ORC3: variants seen among roughly 807,000 people sequenced by gnomAD.
ORC3 encodes the protein origin recognition complex subunit 3.
In ORC3, 78 loss-of-function variants were observed where a neutral mutation model predicts 100.7. The ratio of observed to expected loss-of-function variants is 0.77; its 90% CI spans 0.65 to 0.94. The LOEUF is 0.94. Among genes scored for constraint, ORC3 ranks in the 40% least tolerant of loss-of-function variants. The pLI is 0.00. For missense variants in ORC3, 789 were observed against 823.9 expected (o/e 0.96, Z 0.52); for synonymous variants, 295 against 289.3 (o/e 1.02, Z -0.20).
chr6:87,673,906 T>C, the ORC3 span, among the ~76,000 whole-genome samples: 1 of 152,048 alleles, frequency 6.6e-6, no homozygotes, highest in Non-Finnish European at 1.5e-5. Context: ...GCTATACCAA[T>C]GTTTCTCAAC....
chr6:87,629,648 T>G (rs896392309), intron 11 of ORC3, among the ~76,000 whole-genome samples: 14 of 152,178 alleles, frequency 9.2e-5, no homozygotes, highest in Non-Finnish European at 2.9e-5. Context: ...AGTGTGCCCA[T>G]CACCTGAATA....
chr6:87,621,495 G>A lies in ORC3; in HGVS notation c.1121+8G>A, dbSNP rs1779526486. 3 of 1,570,618 alleles carry A rather than the reference G, an allele frequency of 1.9e-6. No individual in the cohort carries two copies. The highest frequency in any genetic ancestry group is 2.6e-6 in the Non-Finnish European group (3 of 1,161,270). On this transcript the variant is annotated splice_region_variant and intron_variant, in intron 10 of 19. Coordinates refer to ENST00000392844, the MANE Select transcript of ORC3 (RefSeq NM_012381.4). Reference sequence around the variant, plus strand: ...TCTACCATCTTTTAGGAGGTAAAAAGAGAAGTACATGTTTAACACATACTA... The same window carrying A: ...TCTACCATCTTTTAGGAGGTAAAAAAAGAAGTACATGTTTAACACATACTA...
chr6:87,605,329 A>G (rs982704388), intron 4 of ORC3, among the ~76,000 whole-genome samples: 2 of 152,204 alleles, frequency 1.3e-5, no homozygotes, highest in Admixed American at 6.5e-5. Flanking sequence ...TAGGAATTTG[A>G]CAAAGCAATG....
chr6:87,653,159 T>C lies in ORC3; in HGVS notation c.1426T>C (p.Phe476Leu), dbSNP rs777400116. Residue 476 changes from phenylalanine (F) to leucine (L), a missense_variant, in exon 14 of 20, where the codon TTC becomes CTC. Coordinates refer to ENST00000392844, the MANE Select transcript of ORC3 (RefSeq NM_012381.4). Reference protein sequence around the residue: ...DELMTILEKCFKVFKSYCENH... With the variant: ...DELMTILEKCLKVFKSYCENH... ...ACTGATGACCATACTTGAGAAATGTTTCAAGGTTTTTAAGTCTTATTGTGA... is the reference window on the plus strand; with the variant it reads ...ACTGATGACCATACTTGAGAAATGTCTCAAGGTTTTTAAGTCTTATTGTGA... 1.4e-5 allele frequency: 22 copies of C among 1,613,426 alleles called. No individual in the cohort carries two copies. The South Asian group carries it at 2.4e-4, about 18-fold the overall frequency.
the ORC3 span, among the ~76,000 whole-genome samples, chr6:87,676,440 TG>T: frequency 1.7e-4 from 10 of 58,886 alleles, no homozygotes; most frequent in African/African-American, 7.4e-4. Flanking sequence ...CACTCCAGCC[TG>T]GGCAACAAAA....
chr6:87,674,469 C>A, the ORC3 span, among the ~76,000 whole-genome samples: 1 of 151,562 alleles, frequency 6.6e-6, no homozygotes, highest in South Asian at 2.1e-4. Flanking sequence ...TGTCTAGAAA[C>A]CATGTATGGA....
At chr6:87,666,065 T>C (rs1175621045) in intron 19 of ORC3, among the ~76,000 whole-genome samples, 1 of 152,260 alleles carries the variant, frequency 6.6e-6, no homozygotes, top group Admixed American at 6.5e-5. Flanking sequence ...ATCAAGATTA[T>C]ATTTTAAAAT....
Position 87,599,354 on chromosome 6 carries a change from A to ATTATTTATTTATTTAT in ORC3, c.80-2415_80-2400dup, listed in dbSNP as rs71021304. 4.0e-3 allele frequency among the ~76,000 whole-genome samples: 585 copies of ATTATTTATTTATTTAT among 145,160 alleles called. 2 individuals are homozygous for ATTATTTATTTATTTAT. The highest frequency in any genetic ancestry group is 0.011 in the African/African-American group (429 of 39,176). ...TTGTTCTGCTTTGTCTCTTTTTTTT[A>ATTATTTATTTATTTAT]TTATTTATTTATTTATTTATTTATT... On this transcript the variant is annotated intron_variant, in intron 2 of 19. Transcript: ENST00000392844.
At chr6:87,676,533 C>T in the ORC3 span, among the ~76,000 whole-genome samples, 1 of 144,340 alleles carries the variant, frequency 6.9e-6, no homozygotes, top group Non-Finnish European at 1.5e-5. Flanking sequence ...GAGGCGGGCA[C>T]ATCATGAGGT....
At chr6:87,671,595 CTA>C (rs1041601900), downstream of ORC3, among the ~76,000 whole-genome samples, 7 of 151,930 alleles carry the variant, frequency 4.6e-5, no homozygotes, top group African/African-American at 1.7e-4. Flanking sequence ...GGGGGCACAC[CTA>C]TGTTTTAGCA....
intron 9 of ORC3, among the ~76,000 whole-genome samples, chr6:87,617,620 G>C (rs7741825): frequency 0.53 from 81,009 of 151,742 alleles, 21,962 homozygotes; most frequent in Admixed American, 0.62. Flanking sequence ...TAGAGTCCCA[G>C]GTCCTCGGGA....
chr6:87,592,078 C>T (rs1321785301), intron 1 of ORC3, among the ~76,000 whole-genome samples: 3 of 152,184 alleles, frequency 2.0e-5, no homozygotes, highest in African/African-American at 4.8e-5. Flanking sequence ...GTGAAATTTT[C>T]TGGCTGTTGG....
intron 14 of ORC3, 133 bp downstream of exon 14, chr6:87,653,382 C>T: frequency 1.4e-6 from 1 of 691,478 alleles, no homozygotes; most frequent in Non-Finnish European, 2.3e-6. Flanking sequence ...GTATGCCAAG[C>T]CTCATAGTAT....
chr6:87,621,149 CCTT>C (rs1272964362), intron 9 of ORC3, among the ~76,000 whole-genome samples: 7 of 151,926 alleles, frequency 4.6e-5, no homozygotes, highest in Admixed American at 3.9e-4. Flanking sequence ...CATTTTCTGA[CCTT>C]CTTCACAGAA....
chr6:87,634,558 T>G (rs1398252057), intron 11 of ORC3, among the ~76,000 whole-genome samples: 1 of 152,236 alleles, frequency 6.6e-6, no homozygotes, highest in Non-Finnish European at 1.5e-5. Context: ...CTTTCTTGCA[T>G]ACTTGTAATT....
chr6:87,617,939 A>AG (rs1202050895), intron 9 of ORC3, among the ~76,000 whole-genome samples: 2 of 152,218 alleles, frequency 1.3e-5, no homozygotes, highest in African/African-American at 4.8e-5. Context: ...GACTTTTTAA[A>AG]GAGTATTTTA....
intron 8 of ORC3, among the ~76,000 whole-genome samples, chr6:87,615,906 A>C (rs1779121314): frequency 6.6e-6 from 1 of 152,200 alleles, no homozygotes; most frequent in African/African-American, 2.4e-5. Context: ...CTCATTCAAC[A>C]ATACATAATA....
the ORC3 span, among the ~76,000 whole-genome samples, chr6:87,672,749 C>T: frequency 6.6e-6 from 1 of 152,122 alleles, no homozygotes; most frequent in African/African-American, 2.4e-5. Flanking sequence ...TCTTTAGGGT[C>T]GTGTCAAGTG....
chr6:87,651,185 C>T, intron 13 of ORC3: 1 of 456,148 alleles, frequency 2.2e-6, no homozygotes, highest in Non-Finnish European at 4.4e-6. Context: ...TAGGTTTGGC[C>T]TTCCTTGATA....
Sources: gnomAD v4.1 joint callset for allele counts (sites outside exome capture counted in the v4.1 genomes callset) on GRCh38, gnomAD v4.1.1 for gene constraint, MANE v1.5 for transcripts, NCBI Gene and HGNC (gene_info 2026-07-23, HGNC 2026-07-21) for gene names.